NR6A1: variants seen among roughly 807,000 people sequenced by gnomAD.
The protein encoded by NR6A1 is nuclear receptor subfamily 6 group A member 1.
In NR6A1, 7 loss-of-function variants were observed where a neutral mutation model predicts 59.1. The observed-to-expected ratio is 0.12, with a 90% CI of 0.07 to 0.22. The LOEUF is 0.22. NR6A1 is among the 10% of genes least tolerant of loss of function. The pLI, the probability that NR6A1 is intolerant of heterozygous loss-of-function variation, is 1.00. For missense variants in NR6A1, 468 were observed against 611.6 expected (o/e 0.77, Z 2.48); for synonymous variants, 243 against 236.1 (o/e 1.03, Z -0.27).
At chr9:124,639,092 T>C (rs1042294607) in intron 2 of NR6A1, among the ~76,000 whole-genome samples, 2 of 152,212 alleles carry the variant, frequency 1.3e-5, no homozygotes, top group African/African-American at 4.8e-5. Flanking sequence ...CCTATATTCT[T>C]ATTTAATCCT....
chr9:124,532,502 G>A (rs1318081829), intron 7 of NR6A1, among the ~76,000 whole-genome samples: 2 of 152,212 alleles, frequency 1.3e-5, no homozygotes, highest in Admixed American at 1.3e-4. Flanking sequence ...ATCAAGGATA[G>A]GGACTCTGAG....
chr9:124,689,269 G>A (rs918852653), intron 2 of NR6A1, among the ~76,000 whole-genome samples: 2 of 152,098 alleles, frequency 1.3e-5, no homozygotes, highest in African/African-American at 4.8e-5. Context: ...GAAATGGAGA[G>A]GTTAAGTAAT....
At chr9:124,653,750 T>C (rs1837170448) in intron 2 of NR6A1, among the ~76,000 whole-genome samples, 1 of 152,190 alleles carries the variant, frequency 6.6e-6, no homozygotes, top group African/African-American at 2.4e-5. Flanking sequence ...AATAAAATAA[T>C]GTAGGTCAAA....
At chr9:124,700,064 G>C (rs1160092911) in intron 2 of NR6A1, among the ~76,000 whole-genome samples, 2 of 152,056 alleles carry the variant, frequency 1.3e-5, no homozygotes, top group Non-Finnish European at 2.9e-5. Flanking sequence ...TGGCCTGGCT[G>C]GTCTCAAACT....
At chr9:124,760,293 C>G (rs978387663) in intron 1 of NR6A1, among the ~76,000 whole-genome samples, 2 of 151,284 alleles carry the variant, frequency 1.3e-5, no homozygotes, top group African/African-American at 4.9e-5. Context: ...GCCTGGGAGA[C>G]AGAGTGAGAC....
At chr9:124,623,840 C>G (rs1180200230) in intron 2 of NR6A1, among the ~76,000 whole-genome samples, 1 of 152,186 alleles carries the variant, frequency 6.6e-6, no homozygotes. Flanking sequence ...GGATGTCTAA[C>G]CACCCACTAA....
chr9:124,631,260 G>T (rs1836434081), intron 2 of NR6A1, among the ~76,000 whole-genome samples: 1 of 152,088 alleles, frequency 6.6e-6, no homozygotes, highest in South Asian at 2.1e-4. Flanking sequence ...TATACTTCTA[G>T]AATTTCTGCA....
intron 2 of NR6A1, among the ~76,000 whole-genome samples, chr9:124,562,850 C>T (rs1342738214): frequency 6.6e-6 from 1 of 152,188 alleles, no homozygotes; most frequent in South Asian, 2.1e-4. Flanking sequence ...AACATCTCTT[C>T]AGAGCACCAT....
rs58462266 is a variant in NR6A1, at chr9:124,679,902, G to GA, written c.142+53405dup. ...ACGGAGAGAGGTTCCATCTCAAAGA[G>GA]AAAAAAAAAAAAAAAGTAAGAGTTT... On this transcript the variant is annotated intron_variant, in intron 2 of 9. Coordinates refer to ENST00000487099, the MANE Select transcript of NR6A1 (RefSeq NM_033334.4). Among the ~76,000 whole-genome samples the GA allele has an allele frequency of 5.8e-3, 448 of 76,994 alleles. 1 individual carries two copies. The highest frequency in any genetic ancestry group is 8.1e-3 in the Non-Finnish European group (281 of 34,710). 50.5% of individuals were successfully genotyped at this position (76,994 alleles called of 152,430 possible). A position where few individuals can be genotyped will look rare whatever the true frequency, so the allele number is the denominator to read the frequency against.
At chr9:124,735,391 G>T (rs974011037) in intron 1 of NR6A1, among the ~76,000 whole-genome samples, 1 of 152,166 alleles carries the variant, frequency 6.6e-6, no homozygotes, top group African/African-American at 2.4e-5. Flanking sequence ...TCAAGGCTAG[G>T]GACTGACTGT....
chr9:124,750,522 A>G (rs1342857761), intron 1 of NR6A1, among the ~76,000 whole-genome samples: 1 of 152,180 alleles, frequency 6.6e-6, no homozygotes, highest in Admixed American at 6.5e-5. Context: ...GCCCTTTGGG[A>G]GGCCGAGGCA....
rs147496947 is a variant in NR6A1, at chr9:124,542,746, G to T, written c.441+1056C>A. ...TATTTGATTTTTTGGTAGAGACAGG[G>T]TCTGTCTTGCTATGTCGCCCAGGCT... On this transcript the variant is annotated intron_variant, in intron 4 of 9. Transcript: ENST00000487099. Among the ~76,000 whole-genome samples the T allele has an allele frequency of 1.8e-4, 28 of 152,256 alleles. No homozygotes were observed. In the East Asian group the frequency reaches 5.2e-3, roughly 28 times the overall value.
chr9:124,641,686 C>CA (rs1316117279), intron 2 of NR6A1, among the ~76,000 whole-genome samples: 1 of 151,964 alleles, frequency 6.6e-6, no homozygotes, highest in Non-Finnish European at 1.5e-5. Context: ...GACCCTGTTT[C>CA]AAAAAAAGAG....
chr9:124,675,556 T>A (rs902770524), intron 2 of NR6A1, among the ~76,000 whole-genome samples: 1 of 152,196 alleles, frequency 6.6e-6, no homozygotes, highest in African/African-American at 2.4e-5. Context: ...GCTAAAGAGC[T>A]GCAGCTGTAG....
intron 2 of NR6A1, among the ~76,000 whole-genome samples, chr9:124,727,711 G>T (rs1448276676): frequency 1.3e-5 from 2 of 152,084 alleles, no homozygotes; most frequent in African/African-American, 2.4e-5. Flanking sequence ...TTAATACAGG[G>T]TCTCGCTCTG....
chr9:124,756,090 T>C lies in NR6A1; in HGVS notation c.100+14930A>G, dbSNP rs374557453. 5.3e-5 allele frequency among the ~76,000 whole-genome samples: 8 copies of C among 152,332 alleles called. No individual in the cohort carries two copies. The East Asian group carries it at 1.3e-3, about 26-fold the overall frequency. On this transcript the variant is annotated intron_variant, in intron 1 of 9. Transcript: ENST00000487099. ...CCCTTTGCACTTTAGTAGTACCTCT[T>C]ATTAATTATTTCTGATCTTCAATGT...
chr9:124,535,848 G>T, intron 7 of NR6A1, 30 bp downstream of exon 7: 1 of 1,611,600 alleles, frequency 6.2e-7, no homozygotes, highest in Non-Finnish European at 8.5e-7. Context: ...TTGGTTGTTT[G>T]GTATTTCCTC....
At chr9:124,669,330 T>A (rs1449407487) in intron 2 of NR6A1, among the ~76,000 whole-genome samples, 1 of 152,230 alleles carries the variant, frequency 6.6e-6, no homozygotes, top group African/African-American at 2.4e-5. Flanking sequence ...GAAAATTCTA[T>A]AAATTCTTAT....
intron 1 of NR6A1, among the ~76,000 whole-genome samples, chr9:124,769,835 T>TGCGCTAATTGCTCCAGG (rs1714150555): frequency 6.6e-6 from 1 of 152,208 alleles, no homozygotes; most frequent in African/African-American, 2.4e-5. Flanking sequence ...GGCGATCGCC[T>TGCGCTAATTGCTCCAGG]GCGCTAATTG....
Sources: allele counts gnomAD v4.1 joint callset (sites outside exome capture counted in the v4.1 genomes callset), GRCh38; gene constraint gnomAD v4.1.1; transcripts MANE v1.5; gene names NCBI Gene and HGNC (gene_info 2026-07-23, HGNC 2026-07-21).